The following HMGA2 variants were observed in gnomAD, a reference collection of about 807,000 sequenced individuals.
HMGA2 encodes the protein high mobility group protein HMGI-C.
Under a neutral mutation model 19.1 loss-of-function variants are expected in HMGA2, and 8 were observed. The observed-to-expected ratio is 0.42, with a 90% CI of 0.25 to 0.76. The LOEUF (loss-of-function observed/expected upper bound fraction) is 0.76, where lower values mean the gene tolerates loss of function less well. Among genes scored for constraint, HMGA2 ranks in the 30% least tolerant of loss-of-function variants. The probability of loss-of-function intolerance (pLI) is 0.28; values close to 1 mark genes in which losing one functional copy is unlikely to be tolerated. For synonymous variants in HMGA2, 60 were observed against 48.8 expected (o/e 1.23, Z -0.96); for missense variants, 109 against 136.3 (o/e 0.80, Z 1.00).
In HMGA2 at chr12:65,964,007, A is replaced by G. The variant is rs576933517; in HGVS notation, c.*715A>G. On this transcript the variant is annotated 3_prime_UTR_variant, in exon 5 of 5. Coordinates refer to ENST00000403681, the MANE Select transcript of HMGA2 (RefSeq NM_003483.6). Reference sequence around the variant, plus strand: ...GCCAACTCTTCTATTTATGGATATCACACATATCAGCAGGAGTAATAAATT... The same window carrying G: ...GCCAACTCTTCTATTTATGGATATCGCACATATCAGCAGGAGTAATAAATT... The G allele has an allele frequency of 3.4e-4, 70 of 208,640 alleles. No homozygotes were observed. The highest frequency in any genetic ancestry group is 1.5e-3 in the African/African-American group (65 of 44,124). 12.9% of individuals were successfully genotyped at this position (208,640 alleles called of 1,614,324 possible). A position where few individuals can be genotyped will look rare whatever the true frequency, so the allele number is the denominator to read the frequency against.
At chr12:65,876,478 C>T (rs1445838331) in intron 3 of HMGA2, among the ~76,000 whole-genome samples, 1 of 152,200 alleles carries the variant, frequency 6.6e-6, no homozygotes, top group Non-Finnish European at 1.5e-5. Flanking sequence ...AATACTCTTT[C>T]TCTTCCTAAT....
chr12:65,928,426 C>T (rs1383006564), intron 3 of HMGA2, among the ~76,000 whole-genome samples: 2 of 152,274 alleles, frequency 1.3e-5, no homozygotes, highest in East Asian at 3.9e-4. Context: ...CATTACTGTA[C>T]ACTATGCAGA....
intron 4 of HMGA2, 182 bp downstream of exon 4, chr12:65,951,597 G>T: frequency 1.9e-6 from 1 of 525,806 alleles, no homozygotes; most frequent in Admixed American, 3.5e-5. Flanking sequence ...ATCGTACCAT[G>T]AAAACCTCCC....
intron 3 of HMGA2, among the ~76,000 whole-genome samples, chr12:65,888,265 G>A (rs898716662): frequency 6.6e-6 from 1 of 151,968 alleles, no homozygotes; most frequent in African/African-American, 2.4e-5. Context: ...AGACCAGCCT[G>A]GCCAACACGG....
chr12:65,828,024 T>G lies in HMGA2; in HGVS notation c.135T>G (p.Pro45=), dbSNP rs754009713. The change falls in exon 2 of 5, where the codon CCT becomes CCG. Residue 45 remains proline (P), a synonymous_variant. Transcript: ENST00000403681. ...AGGAACCAACCGGTGAGCCCTCTCC[T>G]AAGAGACCCAGGGGAAGACCCAAAG... ...QQQEPTGEPS[P]KRPRGRPKGS... 2.2e-5 allele frequency: 35 copies of G among 1,613,592 alleles called. No individual in the cohort carries two copies. Among genetic ancestry groups the G allele is most frequent in the Non-Finnish European group, 2.8e-5 (33 of 1,179,708 alleles).
At chr12:65,876,836 G>A (rs1428103740) in intron 3 of HMGA2, 1 of 152,228 alleles carries the variant, frequency 6.6e-6, no homozygotes, top group African/African-American at 2.4e-5. Flanking sequence ...TACCATAGAT[G>A]CCCAGTATTT....
intron 3 of HMGA2, among the ~76,000 whole-genome samples, chr12:65,897,929 A>G (rs1364547641): frequency 1.3e-5 from 2 of 150,514 alleles, no homozygotes; most frequent in African/African-American, 4.9e-5. Flanking sequence ...GCGCCATTGC[A>G]CTCCAGCCTG....
chr12:65,877,777 G>A (rs562824087), intron 3 of HMGA2, among the ~76,000 whole-genome samples: 3 of 146,530 alleles, frequency 2.0e-5, no homozygotes, highest in Non-Finnish European at 4.5e-5. Flanking sequence ...GACCTGCCTG[G>A]TTTTTTTTTT....
intron 3 of HMGA2, chr12:65,873,817 A>G (rs1872832867): frequency 6.6e-6 from 1 of 152,256 alleles, no homozygotes; most frequent in Non-Finnish European, 1.5e-5. Context: ...AAGAGTAACA[A>G]TAATGGCAGA....
At chr12:65,875,962 G>C (rs1237769031) in intron 3 of HMGA2, among the ~76,000 whole-genome samples, 1 of 151,968 alleles carries the variant, frequency 6.6e-6, no homozygotes, top group Non-Finnish European at 1.5e-5. Context: ...TTTTTTAAAA[G>C]TGGTTGGAGG....
At chr12:65,954,432 A>G (rs1481112943) in intron 4 of HMGA2, 1 of 152,190 alleles carries the variant, frequency 6.6e-6, no homozygotes, top group Non-Finnish European at 1.5e-5. Flanking sequence ...CCTAGCATTT[A>G]TGTCACACGT....
intron 3 of HMGA2, among the ~76,000 whole-genome samples, chr12:65,882,322 G>A (rs1277720448): frequency 2.0e-5 from 3 of 152,200 alleles, no homozygotes; most frequent in East Asian, 1.9e-4. Flanking sequence ...CCAGGGTTGC[G>A]TCTGTAGCAG....
At chr12:65,942,671 G>A (rs1187015075) in intron 3 of HMGA2, 1 of 152,072 alleles carries the variant, frequency 6.6e-6, no homozygotes, top group Non-Finnish European at 1.5e-5. Flanking sequence ...ACTGCTTTAT[G>A]TTCCTCAGAG....
At chr12:65,907,406 C>G (rs143048167) in intron 3 of HMGA2, among the ~76,000 whole-genome samples, 1 of 133,892 alleles carries the variant, frequency 7.5e-6, no homozygotes, top group Non-Finnish European at 1.6e-5. Flanking sequence ...TGAGAGATTC[C>G]GTCTCAAAAA....
At chr12:65,869,652 C>T (rs892504259) in intron 3 of HMGA2, among the ~76,000 whole-genome samples, 1 of 152,124 alleles carries the variant, frequency 6.6e-6, no homozygotes, top group Non-Finnish European at 1.5e-5. Context: ...CAGTGTTTCA[C>T]AATGTAGGTA....
intron 2 of HMGA2, among the ~76,000 whole-genome samples, 186 bp from the exon 3 acceptor site, chr12:65,838,333 A>G (rs1485877905): frequency 2.6e-5 from 4 of 151,936 alleles, no homozygotes; most frequent in Non-Finnish European, 5.9e-5. Context: ...ATGAAGAAGA[A>G]TCTACTCAGA....
At chr12:65,885,147 A>T (rs1013798169) in intron 3 of HMGA2, among the ~76,000 whole-genome samples, 1 of 152,202 alleles carries the variant, frequency 6.6e-6, no homozygotes, top group African/African-American at 2.4e-5. Flanking sequence ...CTTTATCTAG[A>T]GAAGCTTTTG....
intron 3 of HMGA2, among the ~76,000 whole-genome samples, chr12:65,848,841 C>A (rs1871337266): frequency 1.3e-5 from 2 of 151,856 alleles, no homozygotes; most frequent in South Asian, 4.2e-4. Context: ...CCGACCTGGG[C>A]GACAGAGCGA....
intron 3 of HMGA2, among the ~76,000 whole-genome samples, chr12:65,839,695 T>C (rs528981728): frequency 2.0e-5 from 3 of 152,338 alleles, no homozygotes; most frequent in South Asian, 4.1e-4. Flanking sequence ...AATGTGACCT[T>C]AAAGTAAGGA....
Sources: allele counts gnomAD v4.1 joint callset (sites outside exome capture counted in the v4.1 genomes callset), GRCh38; gene constraint gnomAD v4.1.1; transcripts MANE v1.5; gene names NCBI Gene and HGNC (gene_info 2026-07-23, HGNC 2026-07-21).